Variants in PITPNA observed in about 807,000 individuals in gnomAD.
PITPNA encodes phosphatidylinositol transfer protein alpha isoform.
Under a neutral mutation model 50.3 loss-of-function variants are expected in PITPNA, and 13 were observed. The observed-to-expected ratio is 0.26, with a 90% CI of 0.17 to 0.41. The LOEUF (loss-of-function observed/expected upper bound fraction) is 0.41, where lower values mean the gene tolerates loss of function less well. Ranked by LOEUF, PITPNA falls within the 10% of genes least tolerant of loss-of-function variation. The pLI, the probability that PITPNA is intolerant of heterozygous loss-of-function variation, is 1.00. For missense variants in PITPNA, 207 were observed against 333.4 expected, an observed-to-expected ratio of 0.62 and a Z score of 2.95; for synonymous variants, 120 against 119.6, an observed-to-expected ratio of 1.00 and a Z score of -0.02.
intron 10 of PITPNA, among the ~76,000 whole-genome samples, chr17:1,529,001 G>C (rs145333055): frequency 0.044 from 6,741 of 151,860 alleles, 516 homozygotes; most frequent in African/African-American, 0.15. Flanking sequence ...AGCTGGGCGT[G>C]GTGGCGCACA....
chr17:1,526,114 C>A (rs117207508), intron 10 of PITPNA, among the ~76,000 whole-genome samples: 1 of 152,142 alleles, frequency 6.6e-6, no homozygotes, highest in Non-Finnish European at 1.5e-5. Flanking sequence ...TGCTTCAAGG[C>A]GACAGCAGTA....
At chr17:1,542,170 A>G (rs2075651306) in intron 5 of PITPNA, among the ~76,000 whole-genome samples, 1 of 151,926 alleles carries the variant, frequency 6.6e-6, no homozygotes, top group African/African-American at 2.4e-5. Flanking sequence ...ACTGCACTCC[A>G]GTCTAGGAAA....
rs2075534157 is a variant in PITPNA at position 1,524,328 on chromosome 17, G to A, written c.769-2683C>T. 3.4e-5 allele frequency among the ~76,000 whole-genome samples: 5 copies of A among 148,424 alleles called. No homozygotes were observed. The South Asian group carries it at 1.1e-3, about 32-fold the overall frequency. On this transcript the variant is annotated intron_variant, in intron 10 of 11. Coordinates refer to ENST00000313486, the MANE Select transcript of PITPNA (RefSeq NM_006224.4). ...CAAAGTGCTGGGATTACAGGCGTGA[G>A]CCATCGCACCTGGCCTTTTTTTTTT...
At chr17:1,533,198 T>C (rs2075594724) in intron 10 of PITPNA, among the ~76,000 whole-genome samples, 1 of 152,208 alleles carries the variant, frequency 6.6e-6, no homozygotes, top group South Asian at 2.1e-4. Context: ...TGCCTTATCA[T>C]ATTTTTAGCT....
chr17:1,553,957 G>A (rs1016459324), intron 2 of PITPNA, among the ~76,000 whole-genome samples: 5 of 152,130 alleles, frequency 3.3e-5, no homozygotes, highest in African/African-American at 1.2e-4. Flanking sequence ...TGCCGGCTGG[G>A]TGCACCCTCT....
chr17:1,556,751 C>T (rs1449513449), intron 2 of PITPNA, among the ~76,000 whole-genome samples: 1 of 152,102 alleles, frequency 6.6e-6, no homozygotes, highest in Non-Finnish European at 1.5e-5. Flanking sequence ...GCAAGGGACG[C>T]GCTGGGCTTT....
chr17:1,539,861 C>T (rs9895212), intron 6 of PITPNA, among the ~76,000 whole-genome samples: 48,704 of 152,154 alleles, frequency 0.32, 7,997 homozygotes, highest in East Asian at 0.53. Flanking sequence ...CTCAGCTTCC[C>T]GAGTATCTGG....
At chr17:1,556,093 A>G (rs1198069010) in intron 2 of PITPNA, among the ~76,000 whole-genome samples, 1 of 152,188 alleles carries the variant, frequency 6.6e-6, no homozygotes, top group African/African-American at 2.4e-5. Flanking sequence ...AGAAACTGTT[A>G]AGTCAGGATG....
At chr17:1,544,244 T>G (rs2075662010) in intron 4 of PITPNA, among the ~76,000 whole-genome samples, 1 of 152,238 alleles carries the variant, frequency 6.6e-6, no homozygotes, top group Admixed American at 6.5e-5. Context: ...ATAATTTGGT[T>G]TCTCATGTAG....
chr17:1,549,850 T>G (rs1244967255), intron 3 of PITPNA, among the ~76,000 whole-genome samples: 3 of 151,672 alleles, frequency 2.0e-5, no homozygotes, highest in Non-Finnish European at 2.9e-5. Context: ...AATTTTTGTA[T>G]TTTTGGTAGA....
chr17:1,519,905 G>A lies in PITPNA; in HGVS notation c.*656C>T, dbSNP rs1202422666. 6.6e-6 allele frequency: 1 copy of A among 152,220 alleles called. No individual in the cohort carries two copies. The highest frequency in any genetic ancestry group is 1.5e-5 in the Non-Finnish European group (1 of 68,058). 9.4% of individuals were successfully genotyped at this position (152,220 alleles called of 1,614,324 possible). A position where few individuals can be genotyped will look rare whatever the true frequency, so the allele number is the denominator to read the frequency against. ...AGTAGTAACTAGAGATTCAGTGATTGGGACAGGGTTACTCGTATTTGTTAA... is the reference window on the plus strand; with the variant it reads ...AGTAGTAACTAGAGATTCAGTGATTAGGACAGGGTTACTCGTATTTGTTAA... On this transcript the variant is annotated 3_prime_UTR_variant, in exon 12 of 12. Transcript: ENST00000313486.
intron 10 of PITPNA, among the ~76,000 whole-genome samples, chr17:1,532,630 A>G (rs763405816): frequency 6.6e-6 from 1 of 152,320 alleles, no homozygotes; most frequent in Non-Finnish European, 1.5e-5. Flanking sequence ...TAAAACTCCA[A>G]TGAAAGTCTC....
In PITPNA at chr17:1,552,912, A is replaced by G; in HGVS notation, c.197+92T>C. 3.1e-6 allele frequency: 4 copies of G among 1,279,918 alleles called. No homozygotes were observed. In the South Asian group the frequency reaches 3.8e-5, roughly 12 times the overall value. The allele number at this position is 1,279,918 out of a possible 1,614,324, so 79.3% of individuals were successfully genotyped here. On this transcript the variant is annotated intron_variant, in intron 3 of 11. Transcript: ENST00000313486. The stretch of plus-strand genomic sequence containing the variant: ...TAATTGTTAGGATATAACAATTAGT[A>G]TAATCCCATCTATATAAAACAATAA...
chr17:1,541,766 A>G (rs777520224), intron 5 of PITPNA, 126 bp from the exon 6 acceptor site: 4 of 730,774 alleles, frequency 5.5e-6, no homozygotes, highest in South Asian at 4.5e-5. Flanking sequence ...CTGCCTTGTA[A>G]TAACAGTTAA....
At chr17:1,533,708 C>T (rs1300093053) in intron 10 of PITPNA, among the ~76,000 whole-genome samples, 1 of 152,204 alleles carries the variant, frequency 6.6e-6, no homozygotes, top group East Asian at 1.9e-4. Flanking sequence ...TGCGCTGTGG[C>T]TGTCCTCTGT....
At chr17:1,539,048 C>T (rs2075633896) in intron 6 of PITPNA, 96 bp from the exon 7 acceptor site, 2 of 706,896 alleles carry the variant, frequency 2.8e-6, no homozygotes, top group African/African-American at 1.8e-5. Context: ...TTCCCATAGC[C>T]ACAGATGTAA....
chr17:1,529,812 A>C (rs2075570526), intron 10 of PITPNA, among the ~76,000 whole-genome samples: 1 of 150,554 alleles, frequency 6.6e-6, no homozygotes, highest in Non-Finnish European at 1.5e-5. Flanking sequence ...CCAAGATTGC[A>C]CCACTGTACT....
rs375310504 is a variant in PITPNA, at chr17:1,548,375, C to T, written c.210G>A (p.Thr70=). Residue 70 remains threonine, a synonymous_variant, in exon 4 of 12, where the codon ACG becomes ACA. Coordinates refer to ENST00000313486, the MANE Select transcript of PITPNA (RefSeq NM_006224.4). The part of the protein sequence containing the change: ...KIYHLQSKVP[T]FVRMLAPEGA... ...CCTCTGGGGCCAGCATTCGAACAAA[C>T]GTGGGTACTTTGCTATAGCGGGGAA... 8.5e-5 allele frequency: 136 copies of T among 1,604,326 alleles called. 1 individual carries two copies. In the Middle Eastern group the frequency reaches 2.6e-3, roughly 31 times the overall value.
chr17:1,562,278 G>A lies in PITPNA; in HGVS notation c.20+263C>T, dbSNP rs939266390. Reference sequence around the variant, plus strand: ...TGCCCGTCCATGCCCCGTGGGCCCCGGCTCAGATGCCGAACGCCCCGGCTG... The same window carrying A: ...TGCCCGTCCATGCCCCGTGGGCCCCAGCTCAGATGCCGAACGCCCCGGCTG... On this transcript the variant is annotated intron_variant, in intron 1 of 11. Transcript: ENST00000313486. The surrounding 1 kb of genome is among the most constrained non-coding windows in gnomAD (Gnocchi z 6.4). Among the ~76,000 whole-genome samples the A allele has an allele frequency of 1.3e-5, 2 of 150,474 alleles. No homozygotes were observed. The highest frequency in any genetic ancestry group is 1.3e-4 in the Admixed American group (2 of 15,154).
Sources: gnomAD v4.1 joint callset for allele counts (sites outside exome capture counted in the v4.1 genomes callset) on GRCh38, gnomAD v4.1.1 for gene constraint, Gnocchi (gnomAD v3.1) non-coding constraint, MANE v1.5 for transcripts, NCBI Gene and HGNC (gene_info 2026-07-23, HGNC 2026-07-21) for gene names.